THOC1: variants seen among roughly 807,000 people sequenced by gnomAD.
The protein encoded by THOC1 is THO complex subunit 1.
THOC1 carries 29 observed loss-of-function variants against 97.3 expected under a neutral mutation model. The ratio of observed to expected loss-of-function variants is 0.30; its 90% CI spans 0.22 to 0.41. The LOEUF (loss-of-function observed/expected upper bound fraction) is 0.41, where lower values mean the gene tolerates loss of function less well. Among genes scored for constraint, THOC1 ranks in the 10% least tolerant of loss-of-function variants. The pLI is 1.00. For missense variants in THOC1, 529 were observed against 761.9 expected, an observed-to-expected ratio of 0.69 and a Z score of 3.60; for synonymous variants, 255 against 257.0, an observed-to-expected ratio of 0.99 and a Z score of 0.07.
At chr18:247,208 A>G (rs1159287470) in intron 10 of THOC1, among the ~76,000 whole-genome samples, 2 of 152,246 alleles carry the variant, frequency 1.3e-5, no homozygotes, top group Admixed American at 6.5e-5. Flanking sequence ...TAAAAATAAC[A>G]TAACACACAC....
chr18:244,636 G>A (rs1028716148), intron 11 of THOC1: 1 of 152,050 alleles, frequency 6.6e-6, no homozygotes, highest in African/African-American at 2.4e-5. Context: ...GGTTTTCTCT[G>A]AATGCCCACA....
chr18:251,235 G>T (rs1195196684), intron 9 of THOC1, among the ~76,000 whole-genome samples: 1 of 152,192 alleles, frequency 6.6e-6, no homozygotes, highest in African/African-American at 2.4e-5. Flanking sequence ...TGACTAGGAA[G>T]TATTGGAGTT....
chr18:256,508 T>C (rs1223444837), intron 7 of THOC1, among the ~76,000 whole-genome samples: 2 of 151,830 alleles, frequency 1.3e-5, no homozygotes, highest in African/African-American at 2.4e-5. Flanking sequence ...AGATGAGGAG[T>C]TGCTTCTTAC....
intron 4 of THOC1, 134 bp downstream of exon 4, chr18:263,892 A>T: frequency 1.5e-6 from 1 of 658,472 alleles, no homozygotes; most frequent in Non-Finnish European, 2.6e-6. Context: ...ACTTCTTGGC[A>T]AAGTTGGGAG....
intron 9 of THOC1, among the ~76,000 whole-genome samples, chr18:248,205 A>G (rs911147508): frequency 2.0e-5 from 3 of 152,226 alleles, no homozygotes; most frequent in African/African-American, 7.2e-5. Context: ...ATTCAGAATT[A>G]AAGATTATGT....
In THOC1 at chr18:224,622, TTATCAGA is replaced by T. The variant is rs1911213158; in HGVS notation, c.1208+295_1208+301del. 4.0e-5 allele frequency among the ~76,000 whole-genome samples: 6 copies of T among 151,894 alleles called. No homozygotes were observed. In the South Asian group the frequency reaches 1.3e-3, roughly 32 times the overall value. ...AAAACTTCATATTATGATAGAACAA[TTATCAGA>T]TATAAGATAAAAATGCCACATTATA... On this transcript the variant is annotated intron_variant, in intron 15 of 20. Transcript: ENST00000261600.
At chr18:263,643 C>G (rs527535733) in intron 4 of THOC1, 1 of 159,716 alleles carries the variant, frequency 6.3e-6, no homozygotes, top group African/African-American at 2.4e-5. Context: ...CCCACTTCGA[C>G]CATAGTACTT....
intron 7 of THOC1, among the ~76,000 whole-genome samples, chr18:255,676 GC>G (rs1291896931): frequency 5.3e-5 from 8 of 152,298 alleles, no homozygotes; most frequent in African/African-American, 1.9e-4. Flanking sequence ...GATGAAGGTG[GC>G]TACACTCAAC....
intron 11 of THOC1, among the ~76,000 whole-genome samples, chr18:232,182 ACCT>A (rs2143196279): frequency 6.6e-6 from 1 of 152,176 alleles, no homozygotes; most frequent in South Asian, 2.1e-4. Flanking sequence ...TGCAGCCTTG[ACCT>A]CCTGAGCTCA....
chr18:267,881 C>T (rs1481344958), intron 1 of THOC1, 85 bp downstream of exon 1: 1 of 1,429,978 alleles, frequency 7.0e-7, no homozygotes, highest in Admixed American at 2.2e-5. Flanking sequence ...TCACTTTACC[C>T]CAGGGCAAAA....
At chr18:223,404 A>G in intron 17 of THOC1, 36 bp downstream of exon 17, 1 of 1,516,254 alleles carries the variant, frequency 6.6e-7, no homozygotes, top group Non-Finnish European at 9.0e-7. Context: ...AACACTTGAC[A>G]AAAGCAACAC....
chr18:265,431 A>C, intron 2 of THOC1, 26 bp downstream of exon 2: 1 of 1,587,800 alleles, frequency 6.3e-7, no homozygotes, highest in Non-Finnish European at 8.6e-7. Flanking sequence ...TGAGGCAAGT[A>C]TTTTTCATAG....
intron 7 of THOC1, among the ~76,000 whole-genome samples, chr18:255,276 A>G (rs1567855661): frequency 6.6e-6 from 1 of 152,262 alleles, no homozygotes; most frequent in Non-Finnish European, 1.5e-5. Context: ...AGGCATGTCA[A>G]AAGCCACGAC....
chr18:267,953 C>A lies in THOC1; in HGVS notation c.54+13G>T. On this transcript the variant is annotated intron_variant, in intron 1 of 20. Coordinates refer to ENST00000261600, the MANE Select transcript of THOC1 (RefSeq NM_005131.3). ...CGCCGGGTCAGGCCTGCACCCTCCCCTCTACAGCTCACCGTAAACCGCGTC... is the reference window on the plus strand; with the variant it reads ...CGCCGGGTCAGGCCTGCACCCTCCCATCTACAGCTCACCGTAAACCGCGTC... 1 of 1,610,854 alleles carries A rather than the reference C, an allele frequency of 6.2e-7. No homozygotes were observed. The highest frequency in any genetic ancestry group is 8.5e-7 in the Non-Finnish European group (1 of 1,178,736).
At chr18:239,650 C>T (rs146058260) in intron 11 of THOC1, among the ~76,000 whole-genome samples, 1 of 152,278 alleles carries the variant, frequency 6.6e-6, no homozygotes, top group African/African-American at 2.4e-5. Context: ...TATACCTTAA[C>T]ATGTTTGTTC....
At position 254,215 on chromosome 18, in the gene THOC1, C is replaced by T; in HGVS notation, c.603+58G>A. 1.6e-6 allele frequency: 2 copies of T among 1,243,340 alleles called. No individual in the cohort carries two copies. Among genetic ancestry groups the T allele is most frequent in the South Asian group, 1.3e-5 (1 of 77,830 alleles). The allele number at this position is 1,243,340 out of a possible 1,614,324, so 77.0% of individuals were successfully genotyped here. A position where few individuals can be genotyped will look rare whatever the true frequency, so the allele number is the denominator to read the frequency against. On this transcript the variant is annotated intron_variant, in intron 8 of 20. Coordinates refer to ENST00000261600, the MANE Select transcript of THOC1 (RefSeq NM_005131.3). This position sits in a 1 kb window ranked among gnomAD's most constrained non-coding sequence, Gnocchi z 4.1. The stretch of plus-strand genomic sequence containing the variant: ...GTGTGAGCCACTGTGCCTGGACCCA[C>T]TATCTTAATAACAAACTTGCAAATA...
chr18:239,581 A>C (rs534925693), intron 11 of THOC1, among the ~76,000 whole-genome samples: 1 of 152,336 alleles, frequency 6.6e-6, no homozygotes, highest in South Asian at 2.1e-4. Flanking sequence ...GCTGGGACAC[A>C]GGCGTGAGCC....
chr18:216,442 A>T, intron 19 of THOC1, 44 bp downstream of exon 19: 1 of 1,578,684 alleles, frequency 6.3e-7, no homozygotes, highest in Non-Finnish European at 8.6e-7. Flanking sequence ...ATTTTAAAGA[A>T]GATGTCAACT....
chr18:236,705 T>C (rs956016331), intron 11 of THOC1, among the ~76,000 whole-genome samples: 3 of 152,152 alleles, frequency 2.0e-5, no homozygotes, highest in Admixed American at 1.3e-4. Flanking sequence ...AAAAGGAAAC[T>C]GGTGCACCCG....
Sources: gnomAD v4.1 joint callset for allele counts (sites outside exome capture counted in the v4.1 genomes callset) on GRCh38, gnomAD v4.1.1 for gene constraint, Gnocchi (gnomAD v3.1) non-coding constraint, MANE v1.5 for transcripts, NCBI Gene and HGNC (gene_info 2026-07-23, HGNC 2026-07-21) for gene names.